HPS3: variants seen among roughly 807,000 people sequenced by gnomAD.
HPS3 encodes the protein HPS3 biogenesis of lysosomal organelles complex 2 subunit 1.
A neutral mutation model predicts 110.9 loss-of-function variants in HPS3; 79 were observed. The ratio of observed to expected loss-of-function variants is 0.71; its 90% confidence interval spans 0.59 to 0.86. HPS3 has a LOEUF of 0.86. Among genes scored for constraint, HPS3 ranks in the 40% least tolerant of loss-of-function variants. The pLI, the probability that HPS3 is intolerant of heterozygous loss-of-function variation, is 0.00. For missense variants in HPS3, 1,197 were observed against 1,206.2 expected (o/e 0.99, Z 0.11); for synonymous variants, 428 against 451.0 (o/e 0.95, Z 0.65).
chr3:149,141,498 T>G, intron 4 of HPS3, 118 bp downstream of exon 4: 1 of 759,522 alleles, frequency 1.3e-6, no homozygotes, highest in Admixed American at 2.3e-5. Context: ...CACTGGAGTC[T>G]CCTTGTGGCC....
intron 4 of HPS3, among the ~76,000 whole-genome samples, chr3:149,144,414 A>C (rs535564670): frequency 1.3e-5 from 2 of 152,178 alleles, no homozygotes; most frequent in African/African-American, 4.8e-5. Flanking sequence ...TTTTGTTGAT[A>C]CCACCAGATA....
intron 13 of HPS3, among the ~76,000 whole-genome samples, chr3:149,163,506 T>C (rs1388427983): frequency 1.3e-5 from 2 of 152,186 alleles, no homozygotes; most frequent in African/African-American, 2.4e-5. Context: ...ATGAAAGATA[T>C]TTTGCCTTCT....
At chr3:149,152,980 G>A (rs1243035523) in intron 6 of HPS3, among the ~76,000 whole-genome samples, 4 of 152,162 alleles carry the variant, frequency 2.6e-5, no homozygotes, top group African/African-American at 4.8e-5. Context: ...AGGGGCCATC[G>A]GAACATACAA....
At chr3:149,143,393 C>T (rs370449538) in intron 4 of HPS3, among the ~76,000 whole-genome samples, 21 of 152,176 alleles carry the variant, frequency 1.4e-4, no homozygotes, top group African/African-American at 3.1e-4. Flanking sequence ...AACTTCATGA[C>T]GGAGGACTTC....
intron 1 of HPS3, among the ~76,000 whole-genome samples, chr3:149,133,269 CTT>C (rs1447899116): frequency 1.3e-5 from 2 of 152,132 alleles, no homozygotes; most frequent in East Asian, 3.9e-4. Flanking sequence ...ATGGAGCAAA[CTT>C]AATTGTTTTA....
intron 14 of HPS3, among the ~76,000 whole-genome samples, chr3:149,164,432 G>A (rs1231845488): frequency 6.6e-6 from 1 of 152,200 alleles, no homozygotes; most frequent in Non-Finnish European, 1.5e-5. Flanking sequence ...GATGATTAGA[G>A]AATGTGGATC....
chr3:149,156,232 A>C (rs1723451159), intron 8 of HPS3, among the ~76,000 whole-genome samples: 1 of 152,124 alleles, frequency 6.6e-6, no homozygotes, highest in Non-Finnish European at 1.5e-5. Flanking sequence ...TTTTGCCCCT[A>C]AGTACTTCAG....
chr3:149,154,739 G>A (rs1029214986), intron 7 of HPS3, among the ~76,000 whole-genome samples: 1 of 152,096 alleles, frequency 6.6e-6, no homozygotes, highest in Non-Finnish European at 1.5e-5. Flanking sequence ...TGTGGCTCAG[G>A]GCATGCTAGA....
intron 11 of HPS3, 54 bp downstream of exon 11, chr3:149,160,333 T>A: frequency 8.5e-7 from 1 of 1,172,568 alleles, no homozygotes; most frequent in Non-Finnish European, 1.3e-6. Context: ...CTGGTAATCC[T>A]GAAGTGTTTA....
chr3:149,144,525 T>C (rs1483378977), intron 4 of HPS3, among the ~76,000 whole-genome samples: 2 of 152,272 alleles, frequency 1.3e-5, no homozygotes, highest in African/African-American at 2.4e-5. Context: ...AATTGATTGC[T>C]ATGTCTTTTA....
chr3:149,163,899 T>A lies in HPS3; in HGVS notation c.2539T>A (p.Ser847Thr), dbSNP rs1724143933. 1 of 1,583,750 alleles carries A rather than the reference T, an allele frequency of 6.3e-7. No homozygotes were observed. ...IYPWVHVVIS[S>T]DSLADKNYTE... ...TCCATGGGTTCACGTCGTAATATCATCTGATTCTTTAGCTGATAAAAATTA... is the reference window on the plus strand; with the variant it reads ...TCCATGGGTTCACGTCGTAATATCAACTGATTCTTTAGCTGATAAAAATTA... Residue 847 changes from serine (S) to threonine (T), a missense_variant, in exon 14 of 17, where the codon TCT (serine) becomes ACT (threonine). Ser to Thr is a moderately conservative substitution (Grantham distance 58). Transcript: ENST00000296051.
chr3:149,161,657 G>A (rs1723867839), intron 11 of HPS3, among the ~76,000 whole-genome samples: 1 of 151,844 alleles, frequency 6.6e-6, no homozygotes. Context: ...TTACAGGTGT[G>A]TACCACCATG....
chr3:149,148,281 G>A (rs559211164), intron 5 of HPS3, among the ~76,000 whole-genome samples: 5 of 151,788 alleles, frequency 3.3e-5, no homozygotes, highest in African/African-American at 1.2e-4. Flanking sequence ...AAGCAATAGA[G>A]ATTTTTTTAA....
chr3:149,157,678 C>T (rs1723540921), intron 9 of HPS3, 147 bp downstream of exon 9: 1 of 758,038 alleles, frequency 1.3e-6, no homozygotes, highest in Admixed American at 2.0e-5. Context: ...TGAGCACATA[C>T]TCTGTTAGGC....
chr3:149,162,894 A>AAT lies in HPS3; in HGVS notation c.2481+18_2481+19dup. On this transcript the variant is annotated intron_variant, in intron 13 of 16. Transcript: ENST00000296051. Reference sequence around the variant, plus strand: ...GGAGGATCTGGTAAGATAATGGAATAATACCTTAAATTTAACTCATGCATT... The same window carrying AAT: ...GGAGGATCTGGTAAGATAATGGAATAATATACCTTAAATTTAACTCATGCATT... 6.3e-7 allele frequency: 1 copy of AAT among 1,598,554 alleles called. No individual in the cohort carries two copies. The highest frequency in any genetic ancestry group is 8.6e-7 in the Non-Finnish European group (1 of 1,165,968).
At chr3:149,149,299 A>G (rs1325693259) in intron 5 of HPS3, among the ~76,000 whole-genome samples, 20 of 151,834 alleles carry the variant, frequency 1.3e-4, no homozygotes, top group Admixed American at 1.2e-3. Context: ...TCTAAAGGCT[A>G]TTTGTTTTTG....
In HPS3 at chr3:149,173,493, T is replaced by C. The variant is rs1431604497; in HGVS notation, c.*1271T>C. On this transcript the variant is annotated 3_prime_UTR_variant, in exon 17 of 17. Transcript: ENST00000296051. The stretch of plus-strand genomic sequence containing the variant: ...GACTGTATGAATCAGTTTTATTACC[T>C]AGTGTACAAGTGTCAGTCATGTATC... The C allele has an allele frequency of 2.8e-5, 11 of 394,972 alleles. No homozygotes were observed. The highest frequency in any genetic ancestry group is 4.7e-5 in the Non-Finnish European group (10 of 211,430). 24.5% of individuals were successfully genotyped at this position (394,972 alleles called of 1,614,324 possible). A position where few individuals can be genotyped will look rare whatever the true frequency, so the allele number is the denominator to read the frequency against.
rs1318691351 is a variant in HPS3, at chr3:149,173,565, T to C, written c.*1343T>C. On this transcript the variant is annotated 3_prime_UTR_variant, in exon 17 of 17. Transcript: ENST00000296051. ...TCCATTTGCAAAAAATTAATAGTTT[T>C]CCCCCACAAATGTACAAAGTTGTAT... is the stretch of plus-strand genomic sequence containing the variant. The C allele has an allele frequency of 1.8e-6, 1 of 563,610 alleles. No homozygotes were observed. Among genetic ancestry groups the C allele is most frequent in the African/African-American group, 1.9e-5 (1 of 52,192 alleles). 34.9% of individuals were successfully genotyped at this position (563,610 alleles called of 1,614,324 possible).
intron 11 of HPS3, among the ~76,000 whole-genome samples, chr3:149,161,508 C>CT (rs1203449055): frequency 0.041 from 4,278 of 104,416 alleles, 143 homozygotes; most frequent in African/African-American, 0.063. Flanking sequence ...CCCCCACACC[C>CT]TTTTTTTTTT....
Sources: gnomAD v4.1 joint callset for allele counts (sites outside exome capture counted in the v4.1 genomes callset) on GRCh38, gnomAD v4.1.1 for gene constraint, MANE v1.5 for transcripts, NCBI Gene and HGNC (gene_info 2026-07-23, HGNC 2026-07-21) for gene names.